The following ERC2 variants were observed in gnomAD, a reference collection of about 807,000 sequenced individuals.
ERC2 encodes ELKS/RAB6-interacting/CAST family member 2.
A neutral mutation model predicts 114.8 loss-of-function variants in ERC2; 42 were observed. The ratio of observed to expected loss-of-function variants is 0.37; its 90% CI spans 0.29 to 0.47. The LOEUF is 0.47. Among genes scored for constraint, ERC2 ranks in the 20% least tolerant of loss-of-function variants. The pLI, the probability that ERC2 is intolerant of heterozygous loss-of-function variation, is 0.99. For missense variants in ERC2, 939 were observed against 1,150.7 expected (o/e 0.82, Z 2.66); for synonymous variants, 454 against 425.5 (o/e 1.07, Z -0.82).
chr3:56,386,128 A>G (rs929549502), intron 2 of ERC2, among the ~76,000 whole-genome samples: 2 of 152,190 alleles, frequency 1.3e-5, no homozygotes, highest in African/African-American at 4.8e-5. Context: ...TATAAAAATT[A>G]GAGATCCAGT....
At chr3:55,708,862 G>A (rs2063620259) in intron 15 of ERC2, among the ~76,000 whole-genome samples, 1 of 149,864 alleles carries the variant, frequency 6.7e-6, no homozygotes, top group African/African-American at 2.5e-5. Flanking sequence ...AAGAGAAAGA[G>A]GAGAGAGAGA....
At chr3:56,407,604 A>C (rs2060778255) in intron 2 of ERC2, among the ~76,000 whole-genome samples, 1 of 152,160 alleles carries the variant, frequency 6.6e-6, no homozygotes, top group Non-Finnish European at 1.5e-5. Context: ...GATGTTGTGA[A>C]AATGCAGGTC....
intron 6 of ERC2, among the ~76,000 whole-genome samples, chr3:56,120,412 G>C (rs1314458446): frequency 6.6e-6 from 1 of 152,208 alleles, no homozygotes; most frequent in African/African-American, 2.4e-5. Flanking sequence ...AGAATGGCAA[G>C]AGAGAGTGAT....
intron 2 of ERC2, among the ~76,000 whole-genome samples, chr3:56,340,313 T>C (rs2058035337): frequency 6.6e-6 from 1 of 152,192 alleles, no homozygotes; most frequent in South Asian, 2.1e-4. Context: ...AATGTTAAAA[T>C]GTGTTTAAAA....
intron 2 of ERC2, among the ~76,000 whole-genome samples, chr3:56,329,704 A>G (rs1434378059): frequency 6.6e-6 from 1 of 152,272 alleles, no homozygotes; most frequent in East Asian, 1.9e-4. Context: ...ACCTAATCAC[A>G]GGAACAACTT....
intron 17 of ERC2, among the ~76,000 whole-genome samples, chr3:55,600,898 C>T (rs1261796609): frequency 6.6e-6 from 1 of 152,246 alleles, no homozygotes; most frequent in Non-Finnish European, 1.5e-5. Context: ...GCTGATGTCG[C>T]TCCTACTGGC....
At chr3:55,699,304 G>C in intron 16 of ERC2, 74 bp downstream of exon 16, 1 of 1,562,338 alleles carries the variant, frequency 6.4e-7, no homozygotes, top group Non-Finnish European at 8.8e-7. Flanking sequence ...ATTATTTCTT[G>C]AGGATTATTT....
At chr3:56,136,734 C>T (rs1384433679) in intron 6 of ERC2, among the ~76,000 whole-genome samples, 1 of 152,108 alleles carries the variant, frequency 6.6e-6, no homozygotes, top group African/African-American at 2.4e-5. Flanking sequence ...CAATTTCAAC[C>T]TAAATTGCTC....
intron 6 of ERC2, among the ~76,000 whole-genome samples, chr3:56,097,404 C>A (rs186614866): frequency 2.0e-5 from 3 of 152,124 alleles, no homozygotes; most frequent in Admixed American, 2.0e-4. Flanking sequence ...TACATCATGG[C>A]TCCTGAAAAA....
chr3:55,580,231 A>AT (rs71763172), intron 17 of ERC2, among the ~76,000 whole-genome samples: 3,527 of 144,800 alleles, frequency 0.024, 96 homozygotes, highest in South Asian at 0.07. Context: ...TAGGAAGCAT[A>AT]TTTTTTTTTT....
chr3:56,435,532 T>C (rs554897817), intron 1 of ERC2, among the ~76,000 whole-genome samples: 65 of 152,344 alleles, frequency 4.3e-4, no homozygotes, highest in Non-Finnish European at 7.9e-4. Flanking sequence ...GGCCCCTCCT[T>C]TGGGGCATAA....
intron 17 of ERC2, among the ~76,000 whole-genome samples, chr3:55,529,206 T>C (rs2053519358): frequency 6.6e-6 from 1 of 152,216 alleles, no homozygotes; most frequent in Non-Finnish European, 1.5e-5. Context: ...TGCCAAATCT[T>C]AACCATCATA....
At chr3:56,170,322 C>G (rs2082565047) in intron 4 of ERC2, among the ~76,000 whole-genome samples, 3 of 152,172 alleles carry the variant, frequency 2.0e-5, no homozygotes, top group African/African-American at 7.2e-5. Flanking sequence ...TGATATTTCC[C>G]AAGGTTCACC....
intron 2 of ERC2, among the ~76,000 whole-genome samples, chr3:56,379,225 T>C (rs2059658888): frequency 6.6e-6 from 1 of 152,206 alleles, no homozygotes; most frequent in Non-Finnish European, 1.5e-5. Context: ...TATACCATAC[T>C]GGACAGTTCA....
intron 6 of ERC2, among the ~76,000 whole-genome samples, chr3:56,102,284 C>T (rs569788425): frequency 7.2e-5 from 11 of 152,278 alleles, no homozygotes; most frequent in South Asian, 2.1e-4. Context: ...CCCAAGACTG[C>T]CAGAGGAAGC....
intron 14 of ERC2, among the ~76,000 whole-genome samples, chr3:55,837,843 T>C (rs1435346873): frequency 1.3e-5 from 2 of 151,170 alleles, no homozygotes; most frequent in Non-Finnish European, 2.9e-5. Context: ...AATATAAAGA[T>C]ATACACAGAT....
At chr3:55,900,164 A>T (rs967397974) in intron 13 of ERC2, among the ~76,000 whole-genome samples, 1 of 152,208 alleles carries the variant, frequency 6.6e-6, no homozygotes, top group African/African-American at 2.4e-5. Context: ...TGTCAACAGT[A>T]ATTCCTGCCG....
intron 17 of ERC2, among the ~76,000 whole-genome samples, chr3:55,545,960 G>T (rs139677507): frequency 2.0e-5 from 3 of 152,298 alleles, no homozygotes; most frequent in African/African-American, 7.2e-5. Flanking sequence ...GTCCCTGAGC[G>T]CATACAGGGT....
At chr3:56,092,441 T>C (rs2077844919) in intron 6 of ERC2, among the ~76,000 whole-genome samples, 1 of 152,168 alleles carries the variant, frequency 6.6e-6, no homozygotes, top group South Asian at 2.1e-4. Flanking sequence ...AAGTGACTAG[T>C]CCAAAGTTCA....
Sources: gnomAD v4.1 joint callset for allele counts (sites outside exome capture counted in the v4.1 genomes callset) on GRCh38, gnomAD v4.1.1 for gene constraint, MANE v1.5 for transcripts, NCBI Gene and HGNC (gene_info 2026-07-23, HGNC 2026-07-21) for gene names.